The following AIG1 variants were observed in gnomAD, a reference collection of about 807,000 sequenced individuals.
AIG1 encodes androgen-induced gene 1 protein.
A neutral mutation model predicts 31.4 loss-of-function variants in AIG1; 23 were observed. The observed-to-expected ratio is 0.73, with a 90% CI of 0.53 to 1.04. AIG1 has a LOEUF of 1.04. Ranked by LOEUF, AIG1 falls within the 50% of genes least tolerant of loss-of-function variation. AIG1 has a pLI of 0.00. For synonymous variants in AIG1, 100 were observed against 110.5 expected, an observed-to-expected ratio of 0.90 and a Z score of 0.60; for missense variants, 274 against 295.0, an observed-to-expected ratio of 0.93 and a Z score of 0.52.
At chr6:143,281,259 G>A (rs1382185996) in intron 3 of AIG1, among the ~76,000 whole-genome samples, 1 of 152,162 alleles carries the variant, frequency 6.6e-6, no homozygotes, top group East Asian at 1.9e-4. Flanking sequence ...TGCCCCATCT[G>A]CAGAATGGAG....
intron 3 of AIG1, among the ~76,000 whole-genome samples, chr6:143,168,350 G>A (rs1325088388): frequency 6.6e-6 from 1 of 151,538 alleles, no homozygotes. Flanking sequence ...TTGGTGTGCT[G>A]CACCCATTAA....
Position 143,333,457 on chromosome 6 carries a change from C to T in AIG1, c.679+12C>T. 3 of 1,610,720 alleles carry T rather than the reference C, an allele frequency of 1.9e-6. No individual in the cohort carries two copies. The highest frequency in any genetic ancestry group is 2.5e-6 in the Non-Finnish European group (3 of 1,178,782). On this transcript the variant is annotated intron_variant, in intron 5 of 5. Transcript: ENST00000357847. The surrounding 1 kb of genome is among the most constrained non-coding windows in gnomAD (Gnocchi z 4.6). ...GGATACACAGAAAAGTAAGTATTGTCTGAGGGAACATAAAACAAGAGAATT... is the reference window on the plus strand; with the variant it reads ...GGATACACAGAAAAGTAAGTATTGTTTGAGGGAACATAAAACAAGAGAATT...
chr6:143,295,218 A>T (rs1798340550), intron 4 of AIG1, among the ~76,000 whole-genome samples: 1 of 152,300 alleles, frequency 6.6e-6, no homozygotes, highest in East Asian at 1.9e-4. Context: ...TACTTGTAGA[A>T]TCTTTATGCT....
chr6:143,308,197 C>T (rs9484723), intron 4 of AIG1, among the ~76,000 whole-genome samples: 1,587 of 152,336 alleles, frequency 0.01, 21 homozygotes, highest in African/African-American at 0.037. Flanking sequence ...GGCTCGCGCA[C>T]GGTGCGCTGC....
chr6:143,185,219 CAT>C (rs1415630788), intron 3 of AIG1, among the ~76,000 whole-genome samples: 4 of 151,528 alleles, frequency 2.6e-5, no homozygotes, highest in Admixed American at 2.6e-4. Context: ...AATTCAATCT[CAT>C]ATATTTTTCA....
At chr6:143,289,047 T>C (rs1194455626) in intron 4 of AIG1, among the ~76,000 whole-genome samples, 1 of 152,116 alleles carries the variant, frequency 6.6e-6, no homozygotes, top group South Asian at 2.1e-4. Context: ...TGAAGCCTCA[T>C]ACGTGGCAGC....
rs922919286 is a variant in AIG1 at position 143,299,600 on chromosome 6, A to G, written c.515+15375A>G. On this transcript the variant is annotated intron_variant, in intron 4 of 5. Coordinates refer to ENST00000357847, the MANE Select transcript of AIG1 (RefSeq NM_016108.4). The surrounding 1 kb of genome is among the most constrained non-coding windows in gnomAD (Gnocchi z 4.1). ...AATACCCATATGCTTAAAGAGAGAA[A>G]TGAGTAGCAGAGGGATTTCAAGCCA... 2.6e-5 allele frequency: 4 copies of G among 152,236 alleles called. No homozygotes were observed. Among genetic ancestry groups the G allele is most frequent in the African/African-American group, 9.6e-5 (4 of 41,454 alleles). 9.4% of individuals were successfully genotyped at this position (152,236 alleles called of 1,614,324 possible).
intron 1 of AIG1, among the ~76,000 whole-genome samples, chr6:143,121,958 G>T (rs6935786): frequency 0.1 from 15,619 of 152,094 alleles, 2,292 homozygotes; most frequent in African/African-American, 0.33. Context: ...GCACAGTTTA[G>T]TTTTGTTTAT....
At chr6:143,080,894 T>TTAAAGGG (rs1208634701) in intron 1 of AIG1, among the ~76,000 whole-genome samples, 2 of 152,002 alleles carry the variant, frequency 1.3e-5, no homozygotes, top group African/African-American at 4.8e-5. Flanking sequence ...GGATGGGGAA[T>TTAAAGGG]TAAAGGGGAA....
Position 143,149,532 on chromosome 6 carries a change from CAA to C in AIG1, c.297+12566_297+12567del, listed in dbSNP as rs71767812. 4.7e-3 allele frequency among the ~76,000 whole-genome samples: 188 copies of C among 39,988 alleles called. No individual in the cohort carries two copies. The East Asian group carries it at 0.062, about 13-fold the overall frequency. 26.2% of individuals were successfully genotyped at this position (39,988 alleles called of 152,430 possible). On this transcript the variant is annotated intron_variant, in intron 2 of 5. Transcript: ENST00000357847. ...TGGGAGAGAGAGTGAGACTCTGTCT[CAA>C]AAAAAAAAAAAAAAAAAAAAAAAGA...
chr6:143,100,267 C>T (rs1237167944), intron 1 of AIG1, among the ~76,000 whole-genome samples: 1 of 152,146 alleles, frequency 6.6e-6, no homozygotes, highest in African/African-American at 2.4e-5. Flanking sequence ...AAGAGGGCTT[C>T]CCTTTGCTCT....
At chr6:143,259,221 T>G (rs1343859498) in intron 3 of AIG1, among the ~76,000 whole-genome samples, 1 of 152,216 alleles carries the variant, frequency 6.6e-6, no homozygotes, top group Non-Finnish European at 1.5e-5. Context: ...CCTCTTTTCT[T>G]TATAAAATAC....
rs370840551 is a variant in AIG1, at chr6:143,103,539, G to A, written c.142-33296G>A. 3.2e-3 allele frequency among the ~76,000 whole-genome samples: 384 copies of A among 119,338 alleles called. 11 individuals carry two copies. The East Asian group carries it at 0.062, about 19-fold the overall frequency. 78.3% of individuals were successfully genotyped at this position (119,338 alleles called of 152,430 possible). ...TTTTTTTTTTTTGAGACGGAGTCTC[G>A]CTCTGTCGCCCAGGCTGGAGTGCAG... On this transcript the variant is annotated intron_variant, in intron 1 of 5. Coordinates refer to ENST00000357847, the MANE Select transcript of AIG1 (RefSeq NM_016108.4).
intron 1 of AIG1, among the ~76,000 whole-genome samples, chr6:143,131,912 C>T (rs1783279315): frequency 1.3e-5 from 2 of 152,208 alleles, no homozygotes; most frequent in African/African-American, 4.8e-5. Flanking sequence ...ACAACTAATA[C>T]ATTAGCTGAT....
chr6:143,342,590 C>T (rs1431787502), downstream of AIG1: 2 of 1,030,320 alleles, frequency 1.9e-6, no homozygotes, highest in East Asian at 4.7e-5. Flanking sequence ...GCATTTGGAT[C>T]AGCTGCTATT....
At chr6:143,159,047 A>G (rs1353982393) in intron 2 of AIG1, among the ~76,000 whole-genome samples, 3 of 152,214 alleles carry the variant, frequency 2.0e-5, no homozygotes, top group Non-Finnish European at 2.9e-5. Flanking sequence ...GCCAGGTTCT[A>G]AAATAGACAA....
intron 1 of AIG1, among the ~76,000 whole-genome samples, chr6:143,084,675 C>T (rs1778600466): frequency 1.3e-5 from 2 of 152,174 alleles, no homozygotes; most frequent in Admixed American, 1.3e-4. Context: ...AGTCGGGTGA[C>T]AGGGAGGTTT....
intron 1 of AIG1, among the ~76,000 whole-genome samples, chr6:143,120,257 C>T (rs893435056): frequency 6.6e-6 from 1 of 152,152 alleles, no homozygotes; most frequent in East Asian, 1.9e-4. Flanking sequence ...TTTAAAATAA[C>T]TGAGGCAGAT....
intron 1 of AIG1, among the ~76,000 whole-genome samples, chr6:143,102,125 TA>T (rs1238647243): frequency 6.6e-6 from 1 of 152,140 alleles, no homozygotes; most frequent in Non-Finnish European, 1.5e-5. Context: ...CTAGAGAACT[TA>T]AAATATAAAT....
Sources: allele counts gnomAD v4.1 joint callset (sites outside exome capture counted in the v4.1 genomes callset), GRCh38; gene constraint gnomAD v4.1.1; non-coding constraint Gnocchi (gnomAD v3.1); transcripts MANE v1.5; gene names NCBI Gene and HGNC (gene_info 2026-07-23, HGNC 2026-07-21).